ROBO1: variants seen among roughly 807,000 people sequenced by gnomAD.
The protein encoded by ROBO1 is roundabout guidance receptor 1, also known as roundabout homolog 1.
In ROBO1, 149 loss-of-function variants were observed where a neutral mutation model predicts 195.9. The observed-to-expected ratio is 0.76, with a 90% confidence interval of 0.67 to 0.87. The LOEUF is 0.87. Ranked by LOEUF, ROBO1 falls within the 40% of genes least tolerant of loss-of-function variation. The pLI is 0.00. For synonymous variants in ROBO1, 816 were observed against 733.2 expected (o/e 1.11, Z -1.82); for missense variants, 1,933 against 2,068.3 (o/e 0.93, Z 1.27).
chr3:78,673,694 G>T (rs1019037848), intron 10 of ROBO1, among the ~76,000 whole-genome samples: 1 of 146,258 alleles, frequency 6.8e-6, no homozygotes, highest in South Asian at 2.2e-4. Context: ...CAAAATAAGG[G>T]TATATAATCA....
intron 2 of ROBO1, among the ~76,000 whole-genome samples, chr3:79,489,067 A>G (rs1241759393): frequency 6.6e-6 from 1 of 151,456 alleles, no homozygotes; most frequent in African/African-American, 2.4e-5. Context: ...TGATATTATT[A>G]GTGAATAAAA....
At chr3:79,541,113 C>A (rs936545028) in intron 2 of ROBO1, among the ~76,000 whole-genome samples, 1 of 151,942 alleles carries the variant, frequency 6.6e-6, no homozygotes, top group Non-Finnish European at 1.5e-5. Context: ...TATAGGTAAC[C>A]ATATGCATAT....
chr3:78,726,326 T>C (rs550782996), intron 5 of ROBO1, among the ~76,000 whole-genome samples: 1 of 152,186 alleles, frequency 6.6e-6, no homozygotes, highest in Non-Finnish European at 1.5e-5. Flanking sequence ...GGCATCATCA[T>C]ACCAATAAGA....
intron 2 of ROBO1, among the ~76,000 whole-genome samples, chr3:79,359,289 T>G (rs922141648): frequency 6.6e-6 from 1 of 151,928 alleles, no homozygotes; most frequent in African/African-American, 2.4e-5. Flanking sequence ...CTCACTCTTA[T>G]AATTTATAAA....
At chr3:79,276,950 C>T (rs2031086231) in intron 2 of ROBO1, among the ~76,000 whole-genome samples, 1 of 151,748 alleles carries the variant, frequency 6.6e-6, no homozygotes, top group Non-Finnish European at 1.5e-5. Context: ...TGGCTTTTAT[C>T]CAAAAGGTAG....
intron 2 of ROBO1, among the ~76,000 whole-genome samples, chr3:79,307,506 G>A (rs140647191): frequency 0.011 from 1,646 of 151,970 alleles, 13 homozygotes; most frequent in Non-Finnish European, 0.018. Flanking sequence ...TTTAATGGAT[G>A]GTTTAACTCC....
chr3:79,176,095 C>T (rs2081257825), intron 2 of ROBO1, among the ~76,000 whole-genome samples: 1 of 152,118 alleles, frequency 6.6e-6, no homozygotes, highest in Admixed American at 6.5e-5. Context: ...GAGCCAGATC[C>T]CTAAGCCCAA....
In ROBO1 at chr3:79,411,224, A is replaced by G. The variant is rs191529547; in HGVS notation, c.88+178600T>C. ...AGAAAAGACATTGACTATTCTTGCC[A>G]GTTAGTTCAGAGGCAGGCAAACAAC... On this transcript the variant is annotated intron_variant, in intron 2 of 30. Coordinates refer to ENST00000464233, the MANE Select transcript of ROBO1 (RefSeq NM_002941.4). Among the ~76,000 whole-genome samples, 435 of 152,290 alleles carry G rather than the reference A, an allele frequency of 2.9e-3. 2 individuals are homozygous for G. The highest frequency in any genetic ancestry group is 9.1e-3 in the African/African-American group (377 of 41,566).
chr3:79,174,435 G>A (rs913727654), intron 2 of ROBO1, among the ~76,000 whole-genome samples: 2 of 152,008 alleles, frequency 1.3e-5, no homozygotes, highest in African/African-American at 2.4e-5. Flanking sequence ...AACAAACTCC[G>A]GACATGCGGC....
At chr3:78,775,346 GA>G (rs1559842918) in intron 4 of ROBO1, among the ~76,000 whole-genome samples, 1 of 152,042 alleles carries the variant, frequency 6.6e-6, no homozygotes, top group African/African-American at 2.4e-5. Flanking sequence ...AACAAAATAG[GA>G]AAATGTGCTT....
At chr3:79,562,789 A>C (rs957662908) in intron 2 of ROBO1, among the ~76,000 whole-genome samples, 2 of 151,802 alleles carry the variant, frequency 1.3e-5, no homozygotes, top group African/African-American at 4.8e-5. Context: ...TTATGTTTTT[A>C]TACTAAAATA....
intron 4 of ROBO1, among the ~76,000 whole-genome samples, chr3:78,797,283 A>T (rs575575817): frequency 6.6e-6 from 1 of 152,352 alleles, no homozygotes; most frequent in Non-Finnish European, 1.5e-5. Context: ...AATGCCAGTC[A>T]CACTGTAAAA....
intron 1 of ROBO1, among the ~76,000 whole-genome samples, chr3:79,755,978 G>T (rs547771293): frequency 2.0e-5 from 3 of 152,266 alleles, no homozygotes; most frequent in Admixed American, 1.3e-4. Flanking sequence ...TACTGCATTT[G>T]GCTATCCAGT....
chr3:79,002,245 A>G (rs1284459612), intron 3 of ROBO1, among the ~76,000 whole-genome samples: 3 of 152,142 alleles, frequency 2.0e-5, no homozygotes, highest in Admixed American at 1.3e-4. Flanking sequence ...GTCACACTCA[A>G]GTTGGCAGCA....
At chr3:79,428,327 T>A (rs554000310) in intron 2 of ROBO1, among the ~76,000 whole-genome samples, 46 of 150,022 alleles carry the variant, frequency 3.1e-4, no homozygotes, top group Non-Finnish European at 5.3e-4. Context: ...ATAAATAAAA[T>A]GGAGATTCTA....
intron 2 of ROBO1, among the ~76,000 whole-genome samples, chr3:79,395,568 G>A (rs1471048489): frequency 6.6e-6 from 1 of 151,860 alleles, no homozygotes; most frequent in Non-Finnish European, 1.5e-5. Flanking sequence ...TGGAAGATAT[G>A]AAGAAGAAAG....
intron 1 of ROBO1, among the ~76,000 whole-genome samples, chr3:79,637,636 C>T (rs774786811): frequency 3.3e-5 from 5 of 151,906 alleles, no homozygotes; most frequent in Admixed American, 2.6e-4. Context: ...TCAGATGATA[C>T]GTTTTGATAT....
At chr3:79,055,187 GATTAA>G (rs2078781410) in intron 3 of ROBO1, among the ~76,000 whole-genome samples, 1 of 152,088 alleles carries the variant, frequency 6.6e-6, no homozygotes, top group South Asian at 2.1e-4. Flanking sequence ...CCACTGATGA[GATTAA>G]ATTAATCGTG....
At chr3:79,512,211 A>G (rs1940742316) in intron 2 of ROBO1, among the ~76,000 whole-genome samples, 1 of 152,124 alleles carries the variant, frequency 6.6e-6, no homozygotes, top group Non-Finnish European at 1.5e-5. Context: ...AAAAGAGATA[A>G]CTCGAAGTGA....
Sources: allele counts gnomAD v4.1 joint callset (sites outside exome capture counted in the v4.1 genomes callset), GRCh38; gene constraint gnomAD v4.1.1; transcripts MANE v1.5; gene names NCBI Gene and HGNC (gene_info 2026-07-23, HGNC 2026-07-21).